SEMA3D: variants seen among roughly 807,000 people sequenced by gnomAD.
SEMA3D encodes the protein semaphorin-3D.
A neutral mutation model predicts 100.1 loss-of-function variants in SEMA3D; 84 were observed. The ratio of observed to expected loss-of-function variants is 0.84; its 90% CI spans 0.70 to 1.01. The LOEUF (loss-of-function observed/expected upper bound fraction) is 1.01. Among genes scored for constraint, SEMA3D ranks in the 50% least tolerant of loss-of-function variants. The pLI, the probability that SEMA3D is intolerant of heterozygous loss-of-function variation, is 0.00. For missense variants in SEMA3D, 875 were observed against 934.1 expected (o/e 0.94, Z 0.82); for synonymous variants, 312 against 320.7 (o/e 0.97, Z 0.29).
chr7:85,184,644 A>G (rs1791492300), intron 1 of SEMA3D, among the ~76,000 whole-genome samples: 1 of 152,210 alleles, frequency 6.6e-6, no homozygotes, highest in Non-Finnish European at 1.5e-5. Flanking sequence ...GGAACTTTCC[A>G]TTTCACAATT....
the SEMA3D span, among the ~76,000 whole-genome samples, chr7:85,213,189 T>C: frequency 6.6e-6 from 1 of 151,982 alleles, no homozygotes; most frequent in Non-Finnish European, 1.5e-5. Context: ...TCACTACCTA[T>C]TTTATCAGCA....
the SEMA3D span, among the ~76,000 whole-genome samples, chr7:85,209,119 G>C: frequency 1.3e-5 from 2 of 151,936 alleles, no homozygotes; most frequent in Non-Finnish European, 2.9e-5. Context: ...ATAGTATATA[G>C]TATGAAATTT....
At chr7:85,170,887 A>T (rs1225224344) in intron 1 of SEMA3D, among the ~76,000 whole-genome samples, 1 of 152,042 alleles carries the variant, frequency 6.6e-6, no homozygotes, top group African/African-American at 2.4e-5. Context: ...ACATCAAAAC[A>T]CTAGTGTTGA....
intron 2 of SEMA3D, among the ~76,000 whole-genome samples, chr7:85,139,528 A>C (rs893260078): frequency 6.6e-6 from 1 of 152,014 alleles, no homozygotes; most frequent in African/African-American, 2.4e-5. Flanking sequence ...CTTTTTCACA[A>C]AGGGACTACA....
chr7:85,033,960 T>G (rs1253386945), intron 12 of SEMA3D, among the ~76,000 whole-genome samples: 2 of 151,786 alleles, frequency 1.3e-5, no homozygotes, highest in East Asian at 3.9e-4. Flanking sequence ...GTGTAAGAAC[T>G]AATAACTGGG....
intron 2 of SEMA3D, chr7:85,151,708 G>GGTAGA: frequency 1.0e-6 from 1 of 977,550 alleles, no homozygotes; most frequent in Non-Finnish European, 1.2e-6. Context: ...ATCTTGTACT[G>GGTAGA]GTAGAGCTTT....
intron 17 of SEMA3D, among the ~76,000 whole-genome samples, chr7:85,007,309 G>T (rs1334277970): frequency 2.0e-5 from 3 of 151,530 alleles, no homozygotes; most frequent in Non-Finnish European, 2.9e-5. Context: ...AAACAATTTT[G>T]TAGATAGTTC....
chr7:85,044,992 AC>A (rs1790968334), intron 9 of SEMA3D, among the ~76,000 whole-genome samples: 3 of 152,104 alleles, frequency 2.0e-5, no homozygotes. Context: ...TAAGAATAAA[AC>A]ATAAAATTGA....
intron 12 of SEMA3D, among the ~76,000 whole-genome samples, chr7:85,032,538 G>A (rs572625072): frequency 1.3e-5 from 2 of 152,028 alleles, no homozygotes; most frequent in African/African-American, 2.4e-5. Context: ...TAGCTACCAC[G>A]GATTTCTAGA....
chr7:85,089,536 T>C (rs540570629), intron 4 of SEMA3D, among the ~76,000 whole-genome samples: 1 of 152,300 alleles, frequency 6.6e-6, no homozygotes, highest in East Asian at 1.9e-4. Flanking sequence ...TTTTTCACTA[T>C]ATTCTCAGCA....
the SEMA3D span, among the ~76,000 whole-genome samples, chr7:85,246,811 G>A: frequency 6.6e-6 from 1 of 151,734 alleles, no homozygotes; most frequent in African/African-American, 2.4e-5. Flanking sequence ...ACATGTATAA[G>A]GATGCTCATA....
At chr7:85,032,376 A>G (rs1790572998) in intron 12 of SEMA3D, among the ~76,000 whole-genome samples, 1 of 152,068 alleles carries the variant, frequency 6.6e-6, no homozygotes, top group African/African-American at 2.4e-5. Flanking sequence ...ATTGAGTGCT[A>G]ATAAGAAACA....
chr7:85,019,255 C>T (rs1036843793), intron 14 of SEMA3D, among the ~76,000 whole-genome samples: 2 of 151,708 alleles, frequency 1.3e-5, no homozygotes, highest in South Asian at 2.1e-4. Flanking sequence ...CACCATTGAA[C>T]GAGACTTGTT....
At chr7:85,019,444 C>T (rs910658937) in intron 14 of SEMA3D, among the ~76,000 whole-genome samples, 5 of 151,636 alleles carry the variant, frequency 3.3e-5, no homozygotes, top group Admixed American at 2.0e-4. Flanking sequence ...AAACAGGATC[C>T]TGTGGAACTC....
intron 3 of SEMA3D, among the ~76,000 whole-genome samples, chr7:85,103,212 A>T (rs924924136): frequency 6.6e-6 from 1 of 152,024 alleles, no homozygotes; most frequent in African/African-American, 2.4e-5. Context: ...CAGAAAAAAA[A>T]TTGGTAATTT....
intron 16 of SEMA3D, among the ~76,000 whole-genome samples, chr7:85,013,172 G>T (rs1018366141): frequency 1.3e-5 from 2 of 151,490 alleles, no homozygotes; most frequent in East Asian, 3.9e-4. Flanking sequence ...TTAAAATGAG[G>T]ATAGCTACTC....
intron 3 of SEMA3D, among the ~76,000 whole-genome samples, chr7:85,100,112 AT>A (rs1343324622): frequency 6.6e-6 from 1 of 151,968 alleles, no homozygotes. Flanking sequence ...TCTGAAAGAG[AT>A]ATGACCCTGA....
intron 2 of SEMA3D, among the ~76,000 whole-genome samples, chr7:85,137,195 A>G (rs967262302): frequency 1.3e-5 from 2 of 151,980 alleles, no homozygotes; most frequent in African/African-American, 4.8e-5. Context: ...ATTATAATTT[A>G]TTTTTATCAA....
At chr7:85,026,795 G>A (rs1790402313) in intron 12 of SEMA3D, among the ~76,000 whole-genome samples, 1 of 152,010 alleles carries the variant, frequency 6.6e-6, no homozygotes, top group South Asian at 2.1e-4. Context: ...CTTAGGAAAA[G>A]AGTGTATTTA....
Sources: allele counts gnomAD v4.1 joint callset (sites outside exome capture counted in the v4.1 genomes callset), GRCh38; gene constraint gnomAD v4.1.1; transcripts MANE v1.5; gene names NCBI Gene and HGNC (gene_info 2026-07-23, HGNC 2026-07-21).